DOCK6: variants seen among roughly 807,000 people sequenced by gnomAD.
The protein encoded by DOCK6 is dedicator of cytokinesis protein 6.
DOCK6 carries 167 observed loss-of-function variants against 230.3 expected under a neutral mutation model. The observed-to-expected ratio is 0.73, with a 90% CI of 0.64 to 0.82. The LOEUF is 0.82. Ranked by LOEUF, DOCK6 falls within the 40% of genes least tolerant of loss-of-function variation. DOCK6 has a pLI of 0.00. For synonymous variants in DOCK6, 1,148 were observed against 1,185.0 expected, an observed-to-expected ratio of 0.97 and a Z score of 0.64; for missense variants, 2,598 against 2,825.8, an observed-to-expected ratio of 0.92 and a Z score of 1.83.
rs751860680 is a variant in DOCK6, at chr19:11,236,602, G to A, written c.2161-25C>T. 1.9e-6 allele frequency: 3 copies of A among 1,550,242 alleles called. No homozygotes were observed. The highest frequency in any genetic ancestry group is 2.6e-6 in the Non-Finnish European group (3 of 1,143,614). On this transcript the variant is annotated intron_variant, in intron 19 of 47. Coordinates refer to ENST00000294618, the MANE Select transcript of DOCK6 (RefSeq NM_020812.4). This position sits in a 1 kb window ranked among gnomAD's most constrained non-coding sequence, Gnocchi z 5.2. ...CCTGGGTAGGGATGTGGAGTGAGCAGGGTGGGGCCTCAGGGAATGAAGACC... is the reference window on the plus strand; with the variant it reads ...CCTGGGTAGGGATGTGGAGTGAGCAAGGTGGGGCCTCAGGGAATGAAGACC...
rs1164235255 is a variant in DOCK6, at chr19:11,236,306, G to C, written c.2392+40C>G. 2 of 1,509,106 alleles carry C rather than the reference G, an allele frequency of 1.3e-6. No homozygotes were observed. Among genetic ancestry groups the C allele is most frequent in the Non-Finnish European group, 1.8e-6 (2 of 1,114,910 alleles). The allele number at this position is 1,509,106 out of a possible 1,614,324, so 93.5% of individuals were successfully genotyped here. Reference sequence around the variant, plus strand: ...CAGGACCTCAGGACTGAGAAGCCATGTGGATGGGGAAACTGAGGTCTGAGG... The same window carrying C: ...CAGGACCTCAGGACTGAGAAGCCATCTGGATGGGGAAACTGAGGTCTGAGG... On this transcript the variant is annotated intron_variant, in intron 20 of 47. Transcript: ENST00000294618. This position sits in a 1 kb window ranked among gnomAD's most constrained non-coding sequence, Gnocchi z 5.2.
chr19:11,251,994 G>A, intron 5 of DOCK6, 125 bp downstream of exon 5: 1 of 1,409,236 alleles, frequency 7.1e-7, no homozygotes, highest in Non-Finnish European at 9.7e-7. Context: ...TTTACTCATG[G>A]GGACTGATGC....
chr19:11,253,530 C>T, intron 2 of DOCK6, 109 bp downstream of exon 2: 6 of 702,998 alleles, frequency 8.5e-6, no homozygotes, highest in Non-Finnish European at 1.3e-5. Context: ...GGTTTCCCCC[C>T]AGGACAGGCC....
At chr19:11,261,564 C>T (rs945359191) in intron 1 of DOCK6, among the ~76,000 whole-genome samples, 1 of 152,154 alleles carries the variant, frequency 6.6e-6, no homozygotes, top group Non-Finnish European at 1.5e-5. Context: ...CTGAACGCAC[C>T]CTTGTCGCAA....
chr19:11,242,291 C>T, intron 13 of DOCK6, 84 bp from the exon 14 acceptor site: 1 of 1,285,398 alleles, frequency 7.8e-7, no homozygotes, highest in Non-Finnish European at 1.0e-6. Context: ...TCAGGGCAGA[C>T]TCTCCCATGA....
intron 30 of DOCK6, among the ~76,000 whole-genome samples, chr19:11,216,413 CTT>C (rs1192279471): frequency 2.1e-5 from 3 of 141,014 alleles, no homozygotes. Flanking sequence ...TTCTTTTCTT[CTT>C]TTTTTTTTTT....
intron 1 of DOCK6, among the ~76,000 whole-genome samples, chr19:11,260,882 C>CAAAA (rs59900669): frequency 0.041 from 2,532 of 61,740 alleles, 272 homozygotes; most frequent in African/African-American, 0.17. Context: ...GACTCTGTCT[C>CAAAA]AAAAAAAAAA....
In DOCK6 at chr19:11,200,090, C is replaced by T. The variant is rs2079142035; in HGVS notation, c.6101+218G>A. Among the ~76,000 whole-genome samples the T allele has an allele frequency of 6.8e-6, 1 of 147,648 alleles. No homozygotes were observed. The highest frequency in any genetic ancestry group is 1.5e-5 in the Non-Finnish European group (1 of 67,694). On this transcript the variant is annotated intron_variant, in intron 47 of 47. Coordinates refer to ENST00000294618, the MANE Select transcript of DOCK6 (RefSeq NM_020812.4). The surrounding 1 kb of genome is among the most constrained non-coding windows in gnomAD (Gnocchi z 4.3). ...GCTTGAATCTGGGAGGCGGAGGTTG[C>T]AGTGAGCCAAGACTGTGCCAACTGC...
chr19:11,203,672 C>T (rs2079208099), intron 41 of DOCK6: 1 of 230,652 alleles, frequency 4.3e-6, no homozygotes, highest in Non-Finnish European at 8.4e-6. Flanking sequence ...AGGCTGGAAG[C>T]TGGGTACGCA....
In DOCK6 at chr19:11,208,925, AGCCCACG is replaced by A; in HGVS notation, c.4923_4929del (p.Val1642AlafsTer12). 6.3e-7 allele frequency: 1 copy of A among 1,596,940 alleles called. No homozygotes were observed. The highest frequency in any genetic ancestry group is 8.6e-7 in the Non-Finnish European group (1 of 1,166,520). On this transcript the variant is annotated frameshift_variant, in exon 38 of 48. Transcript: ENST00000294618. LOFTEE classifies it high-confidence loss of function. ...TGGCCACTCACCTGGAAGGAAACGC[AGCCCACG>A]GGCAGGTGGCGGTGGTCCTCGAGCA...
In DOCK6 at chr19:11,211,755, G is replaced by A. The variant is rs368211750; in HGVS notation, c.4751+21C>T. 163 of 1,537,870 alleles carry A rather than the reference G, an allele frequency of 1.1e-4. No individual in the cohort carries two copies. In the African/African-American group the frequency reaches 1.9e-3, roughly 18 times the overall value. ...TGTTGGGGCGTGGGCGTGGCTGAAG[G>A]TGCCAGCTGGCCCACCTCACCTGTA... On this transcript the variant is annotated intron_variant, in intron 37 of 47. Coordinates refer to ENST00000294618, the MANE Select transcript of DOCK6 (RefSeq NM_020812.4).
In DOCK6 at chr19:11,259,881, C is replaced by CTTTTTTTTTTTT. The variant is rs1205836383; in HGVS notation, c.44+2504_44+2515dup. 8.0e-4 allele frequency among the ~76,000 whole-genome samples: 54 copies of CTTTTTTTTTTTT among 67,772 alleles called. 10 individuals carry two copies. Among genetic ancestry groups the CTTTTTTTTTTTT allele is most frequent in the South Asian group, 1.4e-3 (2 of 1,472 alleles). The allele number at this position is 67,772 out of a possible 152,430, so 44.5% of individuals were successfully genotyped here. On this transcript the variant is annotated intron_variant, in intron 1 of 47. Transcript: ENST00000294618. Reference sequence around the variant, plus strand: ...ACAGACCTGGGCCGCCGCGCCCGGCCTTTTTTTTTTTTTTTTTTTTGAGAC... The same window carrying CTTTTTTTTTTTT: ...ACAGACCTGGGCCGCCGCGCCCGGCCTTTTTTTTTTTTTTTTTTTTTTTTTTTTTTTTGAGAC...
chr19:11,215,936 G>A lies in DOCK6; in HGVS notation c.3895-9C>T. 6.2e-7 allele frequency: 1 copy of A among 1,613,724 alleles called. No individual in the cohort carries two copies. On this transcript the variant is annotated splice_polypyrimidine_tract_variant and intron_variant, in intron 30 of 47. Coordinates refer to ENST00000294618, the MANE Select transcript of DOCK6 (RefSeq NM_020812.4). ...TCAAAGGCCTTTTTCCCCTGGGGGT[G>A]CAGAGAACTGGGGTTCCAGGCTGAC...
At chr19:11,253,032 G>T in intron 2 of DOCK6, 74 bp from the exon 3 acceptor site, 1 of 1,450,656 alleles carries the variant, frequency 6.9e-7, no homozygotes. Context: ...AGGGGTGGGT[G>T]CGCGCTGGCT....
intron 14 of DOCK6, 93 bp from the exon 15 acceptor site, chr19:11,238,397 C>T: frequency 5.1e-6 from 6 of 1,168,476 alleles, no homozygotes; most frequent in Non-Finnish European, 7.3e-6. Context: ...GCTGGGAGCA[C>T]AGACAGTCCA....
At position 11,243,402 on chromosome 19, in the gene DOCK6, C is replaced by A; in HGVS notation, c.1259-17G>T. 6.3e-7 allele frequency: 1 copy of A among 1,598,902 alleles called. No individual in the cohort carries two copies. The highest frequency in any genetic ancestry group is 8.5e-7 in the Non-Finnish European group (1 of 1,173,464). The stretch of plus-strand genomic sequence containing the variant: ...GCCGGCGCTCTAGGGGAGGGAATGA[C>A]AATGACAAAAGGGGGACCAAGATGA... On this transcript the variant is annotated splice_polypyrimidine_tract_variant and intron_variant, in intron 11 of 47. Coordinates refer to ENST00000294618, the MANE Select transcript of DOCK6 (RefSeq NM_020812.4). This position sits in a 1 kb window ranked among gnomAD's most constrained non-coding sequence, Gnocchi z 6.3.
At chr19:11,213,859 C>A (rs948601953) in intron 34 of DOCK6, among the ~76,000 whole-genome samples, 1 of 149,820 alleles carries the variant, frequency 6.7e-6, no homozygotes. Flanking sequence ...TCCAGTGGCA[C>A]GATCATGGCT....
rs1286602273 is a variant in DOCK6 at position 11,245,543 on chromosome 19, T to A, written c.1023+20A>T. The A allele has an allele frequency of 1.9e-6, 3 of 1,550,458 alleles. No individual in the cohort carries two copies. Among genetic ancestry groups the A allele is most frequent in the Non-Finnish European group, 2.6e-6 (3 of 1,146,018 alleles). Reference sequence around the variant, plus strand: ...GTGACATTCGCCATTACCACCCCCTTGCCCAGCCCCAGCAGGCACCTTGAT... The same window carrying A: ...GTGACATTCGCCATTACCACCCCCTAGCCCAGCCCCAGCAGGCACCTTGAT... On this transcript the variant is annotated intron_variant, in intron 9 of 47. Transcript: ENST00000294618.
In DOCK6 at chr19:11,209,037, CT is replaced by C. The variant is rs2079316272; in HGVS notation, c.4817del (p.Lys1606SerfsTer50). 6.2e-7 allele frequency: 1 copy of C among 1,612,022 alleles called. No homozygotes were observed. Among genetic ancestry groups the C allele is most frequent in the Non-Finnish European group, 8.5e-7 (1 of 1,179,408 alleles). The stretch of plus-strand genomic sequence containing the variant: ...CGGCGTGGTTGCCCAGCTCCGCGTG[CT>C]TCCCGGCCATGTTCTGCAACCAGGT... ...RLTWLQNMAG[K>X]HAELGNHAEA... On this transcript the variant is annotated frameshift_variant, in exon 38 of 48. Transcript: ENST00000294618. LOFTEE classifies it high-confidence loss of function.
Sources: allele counts gnomAD v4.1 joint callset (sites outside exome capture counted in the v4.1 genomes callset), GRCh38; gene constraint gnomAD v4.1.1; non-coding constraint Gnocchi (gnomAD v3.1); transcripts MANE v1.5; gene names NCBI Gene and HGNC (gene_info 2026-07-23, HGNC 2026-07-21).